The following NCOA6 variants were observed in gnomAD, a reference collection of about 807,000 sequenced individuals.
NCOA6 encodes the protein nuclear receptor coactivator 6.
A neutral mutation model predicts 171.4 loss-of-function variants in NCOA6; 49 were observed. The ratio of observed to expected loss-of-function variants is 0.29; its 90% CI spans 0.23 to 0.36. NCOA6 has a LOEUF of 0.36. Among genes scored for constraint, NCOA6 ranks in the 10% least tolerant of loss-of-function variants. NCOA6 has a pLI of 1.00. For missense variants in NCOA6, 2,248 were observed against 2,554.5 expected, an observed-to-expected ratio of 0.88 and a Z score of 2.59; for synonymous variants, 910 against 927.5, an observed-to-expected ratio of 0.98 and a Z score of 0.34.
At chr20:34,793,138 A>C (rs894495572) in intron 1 of NCOA6, among the ~76,000 whole-genome samples, 21 of 151,912 alleles carry the variant, frequency 1.4e-4, no homozygotes, top group African/African-American at 5.1e-4. Flanking sequence ...TAGAAGCAAA[A>C]CTCACAGACT....
rs112064726 is a variant in NCOA6, at chr20:34,750,688, T to C, written c.1676-169A>G. Among the ~76,000 whole-genome samples, 469 of 152,304 alleles carry C rather than the reference T, an allele frequency of 3.1e-3. 1 individual carries two copies. Among genetic ancestry groups the C allele is most frequent in the Non-Finnish European group, 5.8e-3 (396 of 68,016 alleles). On this transcript the variant is annotated intron_variant, in intron 8 of 14. Coordinates refer to ENST00000359003, the MANE Select transcript of NCOA6 (RefSeq NM_014071.5). ...GTGAGTTTTCTAAACTACAAAGATG[T>C]GGCTGTGGGATAACTGCTTACATTC...
intron 5 of NCOA6, among the ~76,000 whole-genome samples, chr20:34,763,720 C>G (rs927414087): frequency 6.6e-6 from 1 of 152,158 alleles, no homozygotes; most frequent in Non-Finnish European, 1.5e-5. Context: ...GTCCAAAATG[C>G]AAGAGGGTAG....
At chr20:34,735,712 T>G (rs2075934266) in intron 12 of NCOA6, among the ~76,000 whole-genome samples, 1 of 151,996 alleles carries the variant, frequency 6.6e-6, no homozygotes, top group Admixed American at 6.6e-5. Flanking sequence ...GCTCGCACAC[T>G]ATTTTCAGAG....
At chr20:34,825,066 G>C (rs961563890) in intron 1 of NCOA6, among the ~76,000 whole-genome samples, 1 of 151,962 alleles carries the variant, frequency 6.6e-6, no homozygotes, top group Non-Finnish European at 1.5e-5. Flanking sequence ...GGTTCCCTTC[G>C]GACCCAGTGT....
At chr20:34,770,674 G>C (rs1188804207) in intron 4 of NCOA6, among the ~76,000 whole-genome samples, 2 of 150,670 alleles carry the variant, frequency 1.3e-5, no homozygotes, top group African/African-American at 4.9e-5. Flanking sequence ...ACTGTTGCCT[G>C]GGCTGCAGTG....
At chr20:34,775,801 G>A (rs2077303353) in intron 4 of NCOA6, among the ~76,000 whole-genome samples, 1 of 152,002 alleles carries the variant, frequency 6.6e-6, no homozygotes, top group South Asian at 2.1e-4. Flanking sequence ...TTTGGTGGAA[G>A]GAAGGAAGCA....
At chr20:34,772,078 C>A (rs1475585656) in intron 4 of NCOA6, among the ~76,000 whole-genome samples, 1 of 152,158 alleles carries the variant, frequency 6.6e-6, no homozygotes, top group Non-Finnish European at 1.5e-5. Flanking sequence ...TTAATCCCAG[C>A]ACTTTGGGAG....
intron 13 of NCOA6, among the ~76,000 whole-genome samples, chr20:34,727,716 C>A (rs893948220): frequency 2.1e-4 from 32 of 150,606 alleles, no homozygotes; most frequent in African/African-American, 7.5e-4. Flanking sequence ...CACCCATTTT[C>A]TTTTCTTTTC....
intron 1 of NCOA6, among the ~76,000 whole-genome samples, chr20:34,809,025 T>C (rs1200600810): frequency 6.6e-6 from 1 of 152,202 alleles, no homozygotes; most frequent in African/African-American, 2.4e-5. Context: ...GTAGCCTTGA[T>C]TTCCCCCTGC....
In NCOA6 at chr20:34,749,885, T is replaced by C; in HGVS notation, c.2310A>G (p.Gln770=). The part of the protein sequence containing the change: ...GQMSGQMLPQ[Q]GPVNNSPSQV... ...GAGATGGACTGTTGTTCACAGGCCC[T>C]TGCTGGGGCAGCATCTGTCCTGACA... Residue 770 remains glutamine (Q), a synonymous_variant, in exon 9 of 15, where the codon CAA becomes CAG. Transcript: ENST00000359003. 2.5e-6 allele frequency: 4 copies of C among 1,614,252 alleles called. No individual in the cohort carries two copies. In the South Asian group the frequency reaches 3.3e-5, roughly 13 times the overall value.
At chr20:34,790,726 T>G (rs1181687905) in intron 2 of NCOA6, among the ~76,000 whole-genome samples, 1 of 152,022 alleles carries the variant, frequency 6.6e-6, no homozygotes, top group African/African-American at 2.4e-5. Flanking sequence ...CTTGGCTCAC[T>G]GCAACCTCTG....
chr20:34,726,716 C>T (rs1433547022), intron 14 of NCOA6, among the ~76,000 whole-genome samples: 3 of 150,998 alleles, frequency 2.0e-5, no homozygotes, highest in Non-Finnish European at 2.9e-5. Flanking sequence ...ACCTGGGAGG[C>T]GGAGGTTACA....
chr20:34,757,420 G>C lies in NCOA6; in HGVS notation c.1328C>G (p.Ser443Cys). The change falls in exon 7 of 15, where the codon TCC becomes TGC. Residue 443 changes from serine (S) to cysteine (C), a missense_variant. Coordinates refer to ENST00000359003, the MANE Select transcript of NCOA6 (RefSeq NM_014071.5). ...SSFQQGSPASSPTVNQTQQQM... is the reference protein window; with the variant it reads ...SSFQQGSPASCPTVNQTQQQM... ...CTGCTGAGTTTGGTTAACCGTTGGG[G>C]AGGATGCAGGGGATCCCTGCTGGAA... 6.2e-7 allele frequency: 1 copy of C among 1,613,924 alleles called. No individual in the cohort carries two copies. The highest frequency in any genetic ancestry group is 8.5e-7 in the Non-Finnish European group (1 of 1,179,860).
intron 2 of NCOA6, among the ~76,000 whole-genome samples, chr20:34,790,996 C>CA (rs2077863723): frequency 6.6e-6 from 1 of 152,150 alleles, no homozygotes; most frequent in African/African-American, 2.4e-5. Context: ...CAGAGACAGA[C>CA]AGACGGATTA....
intron 4 of NCOA6, among the ~76,000 whole-genome samples, chr20:34,771,503 T>C (rs1301377111): frequency 6.6e-6 from 1 of 152,228 alleles, no homozygotes; most frequent in Non-Finnish European, 1.5e-5. Context: ...GTAATATGTA[T>C]TTTATACTTA....
intron 1 of NCOA6, among the ~76,000 whole-genome samples, chr20:34,812,494 C>T (rs892280290): frequency 1.3e-5 from 2 of 151,948 alleles, no homozygotes; most frequent in African/African-American, 4.8e-5. Context: ...AACTTCAATC[C>T]TAACTTCTTA....
chr20:34,793,148 T>G (rs1013357719), intron 1 of NCOA6, among the ~76,000 whole-genome samples: 5 of 152,148 alleles, frequency 3.3e-5, no homozygotes, highest in Non-Finnish European at 7.3e-5. Context: ...ACTCACAGAC[T>G]TATACAAGCA....
At chr20:34,771,367 C>T (rs2077145458) in intron 4 of NCOA6, among the ~76,000 whole-genome samples, 1 of 152,038 alleles carries the variant, frequency 6.6e-6, no homozygotes, top group Non-Finnish European at 1.5e-5. Flanking sequence ...CTCCTGTGCT[C>T]AAGCAATCCT....
chr20:34,801,739 C>G (rs1245042947), intron 1 of NCOA6, among the ~76,000 whole-genome samples: 1 of 152,146 alleles, frequency 6.6e-6, no homozygotes, highest in Non-Finnish European at 1.5e-5. Flanking sequence ...GTGGCACGTG[C>G]CTACAGTCCT....
Sources: allele counts gnomAD v4.1 joint callset (sites outside exome capture counted in the v4.1 genomes callset), GRCh38; gene constraint gnomAD v4.1.1; transcripts MANE v1.5; gene names NCBI Gene and HGNC (gene_info 2026-07-23, HGNC 2026-07-21).